Variants in KCTD12 observed in about 807,000 individuals in gnomAD.
KCTD12 encodes the protein BTB/POZ domain-containing protein KCTD12.
Under a neutral mutation model 22.6 loss-of-function variants are expected in KCTD12, and 16 were observed. That is an observed-to-expected ratio of 0.71 (90% CI 0.48 to 1.07). The LOEUF (loss-of-function observed/expected upper bound fraction) is 1.07, where lower values mean the gene tolerates loss of function less well. KCTD12 is among the 50% of genes least tolerant of loss of function. The pLI is 0.00. For missense variants in KCTD12, 452 were observed against 469.2 expected, an observed-to-expected ratio of 0.96 and a Z score of 0.34; for synonymous variants, 260 against 228.0, an observed-to-expected ratio of 1.14 and a Z score of -1.26.
Position 76,885,021 on chromosome 13 carries a change from A to G in KCTD12, c.*150T>C. 1 of 786,772 alleles carries G rather than the reference A, an allele frequency of 1.3e-6. No individual in the cohort carries two copies. Among genetic ancestry groups the G allele is most frequent in the Non-Finnish European group, 2.0e-6 (1 of 502,986 alleles). The allele number at this position is 786,772 out of a possible 1,614,324, so 48.7% of individuals were successfully genotyped here. ...GGCTGCAGGTTCTGTAGTGGAGGGA[A>G]GGTGGGCGGACAGGTCTCACCCAGC... On this transcript the variant is annotated 3_prime_UTR_variant, in exon 1 of 1. Transcript: ENST00000377474. This position sits in a 1 kb window ranked among gnomAD's most constrained non-coding sequence, Gnocchi z 5.1.
In KCTD12 at chr13:76,882,984, A is replaced by C. The variant is rs186155787; in HGVS notation, c.*2187T>G. 1.3e-4 allele frequency: 20 copies of C among 152,318 alleles called. No homozygotes were observed. The highest frequency in any genetic ancestry group is 2.5e-4 in the Non-Finnish European group (17 of 68,018). The allele number at this position is 152,318 out of a possible 1,614,324, so 9.4% of individuals were successfully genotyped here. A position where few individuals can be genotyped will look rare whatever the true frequency, so the allele number is the denominator to read the frequency against. On this transcript the variant is annotated 3_prime_UTR_variant, in exon 1 of 1. Transcript: ENST00000377474. The stretch of plus-strand genomic sequence containing the variant: ...TTAGTAATACAACTAATACTCAAGA[A>C]AAAAAGTATAATACAGCAAACTCAG...
rs1386808537 is a variant in KCTD12, at chr13:76,881,669, G to A, written c.*3502C>T. ...TCACTGTGCTATCAATCAAAAACCA[G>A]TAGAATACATAACAACATTGAAAGG... On this transcript the variant is annotated 3_prime_UTR_variant, in exon 1 of 1. Coordinates refer to ENST00000377474, the MANE Select transcript of KCTD12 (RefSeq NM_138444.4). 7.3e-3 allele frequency: 2 copies of A among 274 alleles called. No homozygotes were observed. The highest frequency in any genetic ancestry group is 0.019 in the Non-Finnish European group (2 of 108). 0.0% of individuals were successfully genotyped at this position (274 alleles called of 1,614,324 possible).
In KCTD12 at chr13:76,886,194, C is replaced by A. The variant is rs1177370170; in HGVS notation, c.-46G>T. 1.8e-5 allele frequency: 25 copies of A among 1,405,818 alleles called. No homozygotes were observed. The highest frequency in any genetic ancestry group is 2.2e-5 in the Non-Finnish European group (24 of 1,086,622). 87.1% of individuals were successfully genotyped at this position (1,405,818 alleles called of 1,614,324 possible). A position where few individuals can be genotyped will look rare whatever the true frequency, so the allele number is the denominator to read the frequency against. On this transcript the variant is annotated 5_prime_UTR_variant, in exon 1 of 1. Transcript: ENST00000377474. ...GGGACAGTGGCAGGAAGCCGCGCTG[C>A]ACTCAGGAGCTGCAACCGCCTTCCC...
At position 76,885,713 on chromosome 13, in the gene KCTD12, C is replaced by T. The variant is rs2033260176; in HGVS notation, c.436G>A (p.Val146Met). The T allele has an allele frequency of 7.1e-7, 1 of 1,408,096 alleles. No homozygotes were observed. Among genetic ancestry groups the T allele is most frequent in the South Asian group, 1.6e-5 (1 of 63,012 alleles). The allele number at this position is 1,408,096 out of a possible 1,614,324, so 87.2% of individuals were successfully genotyped here. Reference sequence around the variant, plus strand: ...TCACCCAGCGAGCCCTCCTTGTGCACCCCGCGCCGCGAGGGCGGCGGCCCC... The same window carrying T: ...TCACCCAGCGAGCCCTCCTTGTGCATCCCGCGCCGCGAGGGCGGCGGCCCC... ...GPGPPPSRRG[V>M]HKEGSLGDEL... The change falls in exon 1 of 1, where the codon GTG becomes ATG. Residue 146 changes from valine to methionine, a missense_variant. Physicochemically the swap from Val to Met is conservative, Grantham distance 21. This residue lies in a region of KCTD12 where 330 missense variants were observed against 296.5 expected (regional missense o/e 1.11). Transcript: ENST00000377474. This position sits in a 1 kb window ranked among gnomAD's most constrained non-coding sequence, Gnocchi z 5.1.
Position 76,883,250 on chromosome 13 carries a change from A to G in KCTD12, c.*1921T>C, listed in dbSNP as rs982145740. On this transcript the variant is annotated 3_prime_UTR_variant, in exon 1 of 1. Coordinates refer to ENST00000377474, the MANE Select transcript of KCTD12 (RefSeq NM_138444.4). Reference sequence around the variant, plus strand: ...AAAACTGTCGATTTGTAACATCTGTATGGACATAGTAAGATACAGTACGAG... The same window carrying G: ...AAAACTGTCGATTTGTAACATCTGTGTGGACATAGTAAGATACAGTACGAG... 2.6e-5 allele frequency: 4 copies of G among 152,236 alleles called. No homozygotes were observed. The highest frequency in any genetic ancestry group is 4.4e-5 in the Non-Finnish European group (3 of 68,036). 9.4% of individuals were successfully genotyped at this position (152,236 alleles called of 1,614,324 possible).
rs1239829408 is a variant in KCTD12 at position 76,885,299 on chromosome 13, G to T, written c.850C>A (p.Leu284Met). 1 of 1,613,996 alleles carries T rather than the reference G, an allele frequency of 6.2e-7. No homozygotes were observed. The highest frequency in any genetic ancestry group is 8.5e-7 in the Non-Finnish European group (1 of 1,179,978). The change falls in exon 1 of 1, where the codon CTG becomes ATG. Residue 284 changes from leucine to methionine, a missense_variant. By Grantham distance (15) the Leu-to-Met change is conservative. This residue lies in a region of KCTD12 where 122 missense variants were observed against 172.8 expected (regional missense o/e 0.71). Coordinates refer to ENST00000377474, the MANE Select transcript of KCTD12 (RefSeq NM_138444.4). The surrounding 1 kb of genome is among the most constrained non-coding windows in gnomAD (Gnocchi z 5.1). ...ACCATGTGGAAGCCCGACTCGGACA[G>T]CTTGTCGAAGGCCTGCTCCAGGAAG... ...FNFLEQAFDKLSESGFHMVAC... is the reference protein window; with the variant it reads ...FNFLEQAFDKMSESGFHMVAC...
rs748943230 is a variant in KCTD12, at chr13:76,885,898, C to G, written c.251G>C (p.Arg84Pro). 6.3e-7 allele frequency: 1 copy of G among 1,597,138 alleles called. No individual in the cohort carries two copies. Among genetic ancestry groups the G allele is most frequent in the Admixed American group, 1.7e-5 (1 of 59,804 alleles). Residue 84 changes from arginine to proline, a missense_variant, in exon 1 of 1, where the codon CGG becomes CCG. This residue lies in a region of KCTD12 where 330 missense variants were observed against 296.5 expected (regional missense o/e 1.11). Transcript: ENST00000377474. This position sits in a 1 kb window ranked among gnomAD's most constrained non-coding sequence, Gnocchi z 5.1. The part of the protein sequence containing the change: ...RDSKGRFFLD[R>P]DGFLFRYILD... ...GATGTAGCGGAAGAGGAAGCCGTCC[C>G]GGTCCAGAAAGAAGCGGCCTTTGCT...
rs1161748935 is a variant in KCTD12, at chr13:76,883,105, C to G, written c.*2066G>C. ...GCTTTAGTATATAAACCAGCTGATGCAAATTACTGGGGTAATATAGGAAAT... is the reference window on the plus strand; with the variant it reads ...GCTTTAGTATATAAACCAGCTGATGGAAATTACTGGGGTAATATAGGAAAT... On this transcript the variant is annotated 3_prime_UTR_variant, in exon 1 of 1. Coordinates refer to ENST00000377474, the MANE Select transcript of KCTD12 (RefSeq NM_138444.4). The G allele has an allele frequency of 1.3e-5, 2 of 152,044 alleles. No individual in the cohort carries two copies. The highest frequency in any genetic ancestry group is 2.9e-5 in the Non-Finnish European group (2 of 68,020). The allele number at this position is 152,044 out of a possible 1,614,324, so 9.4% of individuals were successfully genotyped here.
chr13:76,883,370 GAAAAC>G lies in KCTD12; in HGVS notation c.*1796_*1800del, dbSNP rs1204181584. 2 of 152,580 alleles carry G rather than the reference GAAAAC, an allele frequency of 1.3e-5. No homozygotes were observed. Among genetic ancestry groups the G allele is most frequent in the Admixed American group, 1.3e-4 (2 of 15,280 alleles). 9.5% of individuals were successfully genotyped at this position (152,580 alleles called of 1,614,324 possible). On this transcript the variant is annotated 3_prime_UTR_variant, in exon 1 of 1. Transcript: ENST00000377474. ...AAAACGTACATCAGAGAAAGATGCT[GAAAAC>G]AAAACAAAATAGGCTTCTCTGTCAT...
In KCTD12 at chr13:76,884,869, G is replaced by T; in HGVS notation, c.*302C>A. 2.7e-6 allele frequency: 1 copy of T among 377,054 alleles called. No homozygotes were observed. Among genetic ancestry groups the T allele is most frequent in the Non-Finnish European group, 4.9e-6 (1 of 203,716 alleles). 23.4% of individuals were successfully genotyped at this position (377,054 alleles called of 1,614,324 possible). A position where few individuals can be genotyped will look rare whatever the true frequency, so the allele number is the denominator to read the frequency against. On this transcript the variant is annotated 3_prime_UTR_variant, in exon 1 of 1. Coordinates refer to ENST00000377474, the MANE Select transcript of KCTD12 (RefSeq NM_138444.4). ...TAGATCCAAACTGAAGTACCATCTG[G>T]GGGAGGGGTGGTTTGAGGCAGGGAG...
Position 76,880,658 on chromosome 13 carries a change from TAA to T in KCTD12, c.*4511_*4512del, listed in dbSNP as rs200829866. 917 of 152,770 alleles carry T rather than the reference TAA, an allele frequency of 6.0e-3. 16 individuals are homozygous for T. The highest frequency in any genetic ancestry group is 0.058 in the South Asian group (280 of 4,828). The allele number at this position is 152,770 out of a possible 1,614,324, so 9.5% of individuals were successfully genotyped here. A position where few individuals can be genotyped will look rare whatever the true frequency, so the allele number is the denominator to read the frequency against. Reference sequence around the variant, plus strand: ...GATGGATGTTTTAATCCTTTGTCACTAAATGGTTACTAACGCTGTTTGAGTGG... The same window carrying T: ...GATGGATGTTTTAATCCTTTGTCACTATGGTTACTAACGCTGTTTGAGTGG... On this transcript the variant is annotated 3_prime_UTR_variant, in exon 1 of 1. Transcript: ENST00000377474.
In KCTD12 at chr13:76,885,632, C is replaced by G. The variant is rs867222736; in HGVS notation, c.517G>C (p.Gly173Arg). The change falls in exon 1 of 1, where the codon GGG (glycine) becomes CGG (arginine). Residue 173 changes from glycine (G) to arginine (R), a missense_variant. By Grantham distance (125) the Gly-to-Arg change is moderately radical. Coordinates refer to ENST00000377474, the MANE Select transcript of KCTD12 (RefSeq NM_138444.4). This position sits in a 1 kb window ranked among gnomAD's most constrained non-coding sequence, Gnocchi z 5.1. ...AGCTCCAGCGTGGGCGACGGCGCCC[C>G]GGCAGAGGCGCCCTCCTGCTGTTCG... The part of the protein sequence containing the change: ...EPEQQEGASA[G>R]APSPTLELAS... 2 of 1,494,254 alleles carry G rather than the reference C, an allele frequency of 1.3e-6. No individual in the cohort carries two copies. The highest frequency in any genetic ancestry group is 2.4e-5 in the Admixed American group (1 of 42,546). 92.6% of individuals were successfully genotyped at this position (1,494,254 alleles called of 1,614,324 possible). A position where few individuals can be genotyped will look rare whatever the true frequency, so the allele number is the denominator to read the frequency against.
At position 76,883,878 on chromosome 13, in the gene KCTD12, A is replaced by T. The variant is rs986238155; in HGVS notation, c.*1293T>A. The T allele has an allele frequency of 1.3e-5, 2 of 152,666 alleles. No homozygotes were observed. The highest frequency in any genetic ancestry group is 2.9e-5 in the Non-Finnish European group (2 of 68,038). The allele number at this position is 152,666 out of a possible 1,614,324, so 9.5% of individuals were successfully genotyped here. A position where few individuals can be genotyped will look rare whatever the true frequency, so the allele number is the denominator to read the frequency against. On this transcript the variant is annotated 3_prime_UTR_variant, in exon 1 of 1. Transcript: ENST00000377474. ...AAATCAGGATTTATAATCAACAAGA[A>T]AATAAAAGTTCAAAAACTAAAACCC...
In KCTD12 at chr13:76,885,131, G is replaced by C. The variant is rs765115106; in HGVS notation, c.*40C>G. On this transcript the variant is annotated 3_prime_UTR_variant, in exon 1 of 1. Transcript: ENST00000377474. The surrounding 1 kb of genome is among the most constrained non-coding windows in gnomAD (Gnocchi z 5.1). ...CTCTGTAATCATCTCTCGGGCAGGA[G>C]AAGGACTGGGCGCTGGAGTGGCGAG... 10 of 1,587,800 alleles carry C rather than the reference G, an allele frequency of 6.3e-6. No homozygotes were observed. Among genetic ancestry groups the C allele is most frequent in the Non-Finnish European group, 6.9e-6 (8 of 1,165,056 alleles).
chr13:76,886,210 C>G lies in KCTD12; in HGVS notation c.-62G>C. 2 of 1,384,732 alleles carry G rather than the reference C, an allele frequency of 1.4e-6. No homozygotes were observed. The allele number at this position is 1,384,732 out of a possible 1,614,324, so 85.8% of individuals were successfully genotyped here. A position where few individuals can be genotyped will look rare whatever the true frequency, so the allele number is the denominator to read the frequency against. On this transcript the variant is annotated 5_prime_UTR_variant, in exon 1 of 1. Coordinates refer to ENST00000377474, the MANE Select transcript of KCTD12 (RefSeq NM_138444.4). ...GCCGCGCTGCACTCAGGAGCTGCAA[C>G]CGCCTTCCCCGGAGCCCCGGAACCC...
At position 76,885,653 on chromosome 13, in the gene KCTD12, G is replaced by T. The variant is rs1038269499; in HGVS notation, c.496C>A (p.Gln166Lys). Residue 166 changes from glutamine to lysine, a missense_variant, in exon 1 of 1, where the codon CAG becomes AAG. Physicochemically the swap from Gln to Lys is moderately conservative, Grantham distance 53. Around this residue, in one of 2 missense-constraint regions of KCTD12, gnomAD observed 330 missense variants for 296.5 expected, o/e 1.11. Transcript: ENST00000377474. This position sits in a 1 kb window ranked among gnomAD's most constrained non-coding sequence, Gnocchi z 5.1. ...GCCCCGGCAGAGGCGCCCTCCTGCT[G>T]TTCGGGCTCCGAGTAGCCAAGCGGC... ...LLPLGYSEPE[Q>K]QEGASAGAPS... The T allele has an allele frequency of 1.3e-6, 2 of 1,486,764 alleles. No homozygotes were observed. Among genetic ancestry groups the T allele is most frequent in the African/African-American group, 2.9e-5 (2 of 68,922 alleles). The allele number at this position is 1,486,764 out of a possible 1,614,324, so 92.1% of individuals were successfully genotyped here.
In KCTD12 at chr13:76,882,214, C is replaced by A. The variant is rs1464582504; in HGVS notation, c.*2957G>T. On this transcript the variant is annotated 3_prime_UTR_variant, in exon 1 of 1. Transcript: ENST00000377474. ...TTTTACTTGTTTTTTACTGTCTACC[C>A]AATGTAAAATGAATTTTCTTCACAG... is the stretch of plus-strand genomic sequence containing the variant. 1 of 152,106 alleles carries A rather than the reference C, an allele frequency of 6.6e-6. No individual in the cohort carries two copies. The highest frequency in any genetic ancestry group is 1.9e-4 in the East Asian group (1 of 5,190). The allele number at this position is 152,106 out of a possible 1,614,324, so 9.4% of individuals were successfully genotyped here.
chr13:76,885,745 G>C lies in KCTD12; in HGVS notation c.404C>G (p.Pro135Arg). 2.7e-6 allele frequency: 4 copies of C among 1,457,290 alleles called. No individual in the cohort carries two copies. The highest frequency in any genetic ancestry group is 3.6e-6 in the Non-Finnish European group (4 of 1,116,956). 90.3% of individuals were successfully genotyped at this position (1,457,290 alleles called of 1,614,324 possible). A position where few individuals can be genotyped will look rare whatever the true frequency, so the allele number is the denominator to read the frequency against. ...CCGCGAGGGCGGCGGCCCCGGGCCG[G>C]GCTGCTGGGGCGCCCCGAGGCGGCG... ...LVRRLGAPQQ[P>R]GPGPPPSRRG... Residue 135 changes from proline (P) to arginine (R), a missense_variant, in exon 1 of 1, where the codon CCC (proline) becomes CGC (arginine). Around this residue, in one of 2 missense-constraint regions of KCTD12, gnomAD observed 330 missense variants for 296.5 expected, o/e 1.11. Transcript: ENST00000377474. The surrounding 1 kb of genome is among the most constrained non-coding windows in gnomAD (Gnocchi z 5.1).
rs370175022 is a variant in KCTD12 at position 76,882,211 on chromosome 13, A to G, written c.*2960T>C. ...TTATTTTACTTGTTTTTTACTGTCTACCCAATGTAAAATGAATTTTCTTCA... is the reference window on the plus strand; with the variant it reads ...TTATTTTACTTGTTTTTTACTGTCTGCCCAATGTAAAATGAATTTTCTTCA... On this transcript the variant is annotated 3_prime_UTR_variant, in exon 1 of 1. Coordinates refer to ENST00000377474, the MANE Select transcript of KCTD12 (RefSeq NM_138444.4). 3 of 152,158 alleles carry G rather than the reference A, an allele frequency of 2.0e-5. No individual in the cohort carries two copies. The highest frequency in any genetic ancestry group is 7.2e-5 in the African/African-American group (3 of 41,422). The allele number at this position is 152,158 out of a possible 1,614,324, so 9.4% of individuals were successfully genotyped here. A position where few individuals can be genotyped will look rare whatever the true frequency, so the allele number is the denominator to read the frequency against.
Sources: gnomAD v4.1 joint callset for allele counts on GRCh38, gnomAD v4.1.1 for gene constraint, gnomAD v4.1.1 regional missense constraint, Gnocchi (gnomAD v3.1) non-coding constraint, MANE v1.5 for transcripts, NCBI Gene and HGNC (gene_info 2026-07-23, HGNC 2026-07-21) for gene names.